The following ZC3H8 variants were observed in gnomAD, a reference collection of about 807,000 sequenced individuals.
The protein encoded by ZC3H8 is zinc finger CCCH domain-containing protein 8.
A neutral mutation model predicts 42.5 loss-of-function variants in ZC3H8; 27 were observed. That is an observed-to-expected ratio of 0.64 (90% confidence interval 0.47 to 0.88). The LOEUF (loss-of-function observed/expected upper bound fraction) is 0.88. Ranked by LOEUF, ZC3H8 falls within the 40% of genes least tolerant of loss-of-function variation. ZC3H8 has a pLI of 0.00. For missense variants in ZC3H8, 277 were observed against 336.1 expected, an observed-to-expected ratio of 0.82 and a Z score of 1.37; for synonymous variants, 101 against 110.1, an observed-to-expected ratio of 0.92 and a Z score of 0.52.
rs1460781974 is a variant in ZC3H8, at chr2:112,250,263, A to G, written c.84T>C (p.Asp28=). The change falls in exon 2 of 9, where the codon GAT becomes GAC. Residue 28 remains aspartate (D), a synonymous_variant. Transcript: ENST00000409573. ...TATDSDERID[D]EIDTEVEETQ... ...TTTCTTCAACTTCTGTATCTATTTC[A>G]TCATCGATTCTGTAGCAAAAATATC... 1 of 1,553,648 alleles carries G rather than the reference A, an allele frequency of 6.4e-7. No individual in the cohort carries two copies. The highest frequency in any genetic ancestry group is 1.4e-5 in the African/African-American group (1 of 73,730).
chr2:112,254,960 A>G lies in ZC3H8; in HGVS notation c.22T>C (p.Ser8Pro). ...CCGAGGGCCGGGTTGGGGGGTTTTG[A>G]GAAAAGATTCTCAAAATCCATGACC... MDFENLF[S>P]KPPNPALGKT... is the part of the protein sequence containing the mutation. Residue 8 changes from serine to proline, a missense_variant, in exon 1 of 9, where the codon TCA becomes CCA. Physicochemically the swap from Ser to Pro is moderately conservative, Grantham distance 74 (BLOSUM62 -1). Coordinates refer to ENST00000409573, the MANE Select transcript of ZC3H8 (RefSeq NM_032494.3). The G allele has an allele frequency of 6.2e-7, 1 of 1,612,600 alleles. No homozygotes were observed. The highest frequency in any genetic ancestry group is 8.5e-7 in the Non-Finnish European group (1 of 1,179,414).
chr2:112,222,836 C>T (rs898934225), intron 8 of ZC3H8, among the ~76,000 whole-genome samples: 22 of 152,084 alleles, frequency 1.4e-4, no homozygotes, highest in Non-Finnish European at 2.9e-5. Context: ...AAAACATGAG[C>T]TCTGGTAATA....
intron 8 of ZC3H8, among the ~76,000 whole-genome samples, chr2:112,226,211 C>G (rs1198721085): frequency 6.6e-6 from 1 of 151,280 alleles, no homozygotes; most frequent in Non-Finnish European, 1.5e-5. Context: ...ATACAAATTA[C>G]CAAAGCTGTT....
At chr2:112,221,350 A>T (rs1194427912) in intron 8 of ZC3H8, among the ~76,000 whole-genome samples, 1 of 150,288 alleles carries the variant, frequency 6.7e-6, no homozygotes, top group Non-Finnish European at 1.5e-5. Context: ...GCTCCTCCCC[A>T]CTCTCTCTCT....
At chr2:112,248,278 A>G (rs971207680) in intron 2 of ZC3H8, among the ~76,000 whole-genome samples, 1 of 151,904 alleles carries the variant, frequency 6.6e-6, no homozygotes, top group Non-Finnish European at 1.5e-5. Context: ...GTGAGCCAAG[A>G]TCATGCTACC....
rs1434678119 is a variant in ZC3H8 at position 112,212,964 on chromosome 2, G to GTTTTTTTTTTTTTTTTTTTTT, written c.*3519_*3520insAAAAAAAAAAAAAAAAAAAAA. ...TCAGCAAGCACAACTCAGAAGAAAT[G>GTTTTTTTTTTTTTTTTTTTTT]CTTTTTTTTTTTTTTTTTTTTTTTA... On this transcript the variant is annotated 3_prime_UTR_variant, in exon 9 of 9. Coordinates refer to ENST00000409573, the MANE Select transcript of ZC3H8 (RefSeq NM_032494.3). 1 of 99,438 alleles carries GTTTTTTTTTTTTTTTTTTTTT rather than the reference G, an allele frequency of 1.0e-5. No homozygotes were observed. The highest frequency in any genetic ancestry group is 1.1e-4 in the Admixed American group (1 of 9,244). 6.2% of individuals were successfully genotyped at this position (99,438 alleles called of 1,614,324 possible). A position where few individuals can be genotyped will look rare whatever the true frequency, so the allele number is the denominator to read the frequency against.
intron 8 of ZC3H8, among the ~76,000 whole-genome samples, chr2:112,217,721 T>C (rs752048820): frequency 3.0e-4 from 46 of 152,210 alleles, no homozygotes; most frequent in Non-Finnish European, 1.0e-4. Flanking sequence ...AGATCAGATG[T>C]TCTAAAATTA....
chr2:112,225,868 G>A (rs1425726945), intron 8 of ZC3H8, among the ~76,000 whole-genome samples: 1 of 151,888 alleles, frequency 6.6e-6, no homozygotes, highest in Non-Finnish European at 1.5e-5. Context: ...GATCACCTGA[G>A]GTCAGGAGCT....
At chr2:112,248,762 C>T (rs1007109488) in intron 2 of ZC3H8, among the ~76,000 whole-genome samples, 1 of 152,056 alleles carries the variant, frequency 6.6e-6, no homozygotes, top group African/African-American at 2.4e-5. Context: ...CTGCACCCTC[C>T]CAAAATTCTT....
intron 8 of ZC3H8, among the ~76,000 whole-genome samples, chr2:112,224,967 G>T (rs1031995651): frequency 2.0e-5 from 3 of 152,156 alleles, no homozygotes; most frequent in Non-Finnish European, 4.4e-5. Flanking sequence ...GATCTTCAGT[G>T]TCTCTCGGTT....
At chr2:112,253,407 G>GA (rs1046521510) in intron 1 of ZC3H8, among the ~76,000 whole-genome samples, 3 of 151,530 alleles carry the variant, frequency 2.0e-5, no homozygotes, top group Non-Finnish European at 2.9e-5. Context: ...AAATTACTCG[G>GA]AAAAAAAACC....
chr2:112,226,501 A>G (rs1215640588), intron 8 of ZC3H8, among the ~76,000 whole-genome samples: 1 of 148,126 alleles, frequency 6.8e-6, no homozygotes, highest in Non-Finnish European at 1.5e-5. Context: ...AGGCAGGAGA[A>G]TGGTGTGAAC....
rs1460076324 is a variant in ZC3H8 at position 112,215,554 on chromosome 2, T to A, written c.*930A>T. The A allele has an allele frequency of 6.6e-6, 1 of 152,248 alleles. No homozygotes were observed. The highest frequency in any genetic ancestry group is 1.9e-4 in the East Asian group (1 of 5,202). 9.4% of individuals were successfully genotyped at this position (152,248 alleles called of 1,614,324 possible). On this transcript the variant is annotated 3_prime_UTR_variant, in exon 9 of 9. Coordinates refer to ENST00000409573, the MANE Select transcript of ZC3H8 (RefSeq NM_032494.3). Reference sequence around the variant, plus strand: ...AGAAGTATCACTAGCTTTGGTGTACTCTGTATGTCCAGCAAGTTGGTAATA... The same window carrying A: ...AGAAGTATCACTAGCTTTGGTGTACACTGTATGTCCAGCAAGTTGGTAATA...
chr2:112,244,699 C>CGATCT (rs1685698361), intron 2 of ZC3H8, among the ~76,000 whole-genome samples: 1 of 152,140 alleles, frequency 6.6e-6, no homozygotes, highest in Middle Eastern at 3.2e-3. Flanking sequence ...TCTGTTATAG[C>CGATCT]GATCTGTGAT....
intron 2 of ZC3H8, among the ~76,000 whole-genome samples, chr2:112,245,420 G>A (rs1415813765): frequency 5.3e-5 from 8 of 152,172 alleles, no homozygotes; most frequent in East Asian, 3.9e-4. Flanking sequence ...TTGGGAGGCC[G>A]AGGCGGGCAG....
chr2:112,237,436 TTATC>T (rs1397212301), intron 3 of ZC3H8, among the ~76,000 whole-genome samples: 1 of 152,222 alleles, frequency 6.6e-6, no homozygotes, highest in Non-Finnish European at 1.5e-5. Flanking sequence ...TTTTATTTAT[TTATC>T]TATCCGTGCA....
Position 112,213,385 on chromosome 2 carries a change from A to T in ZC3H8, c.*3099T>A, listed in dbSNP as rs1367762423. 6.6e-6 allele frequency: 1 copy of T among 152,146 alleles called. No homozygotes were observed. The highest frequency in any genetic ancestry group is 1.5e-5 in the Non-Finnish European group (1 of 68,032). 9.4% of individuals were successfully genotyped at this position (152,146 alleles called of 1,614,324 possible). On this transcript the variant is annotated 3_prime_UTR_variant, in exon 9 of 9. Coordinates refer to ENST00000409573, the MANE Select transcript of ZC3H8 (RefSeq NM_032494.3). ...CTATTAAAACAGGGGACAGTCATTTAACATCTCGGGGTCTGAATTCCTAAA... is the reference window on the plus strand; with the variant it reads ...CTATTAAAACAGGGGACAGTCATTTTACATCTCGGGGTCTGAATTCCTAAA...
At chr2:112,232,043 G>T in intron 6 of ZC3H8, 96 bp from the exon 7 acceptor site, 3 of 668,408 alleles carry the variant, frequency 4.5e-6, no homozygotes, top group Admixed American at 6.8e-5. Flanking sequence ...GACCTCTGTG[G>T]CCGGGCGAGG....
intron 5 of ZC3H8, 49 bp downstream of exon 5, chr2:112,234,071 A>G: frequency 9.3e-7 from 1 of 1,071,728 alleles, no homozygotes; most frequent in Non-Finnish European, 1.3e-6. Context: ...TATCAAACAG[A>G]AAGAGCAGTT....
Sources: allele counts gnomAD v4.1 joint callset (sites outside exome capture counted in the v4.1 genomes callset), GRCh38; gene constraint gnomAD v4.1.1; transcripts MANE v1.5; gene names NCBI Gene and HGNC (gene_info 2026-07-23, HGNC 2026-07-21).